RAI1: variants seen among roughly 807,000 people sequenced by gnomAD.
RAI1 encodes retinoic acid induced 1, also known as retinoic acid-induced protein 1.
RAI1 carries 9 observed loss-of-function variants against 123.8 expected under a neutral mutation model. The ratio of observed to expected loss-of-function variants is 0.07; its 90% CI spans 0.04 to 0.13. The LOEUF is 0.13. Among genes scored for constraint, RAI1 ranks in the 10% least tolerant of loss-of-function variants. The pLI is 1.00. For synonymous variants in RAI1, 1,231 were observed against 1,127.3 expected (o/e 1.09, Z -1.84); for missense variants, 2,256 against 2,545.8 (o/e 0.89, Z 2.45).
chr17:17,792,956 C>T lies in RAI1; in HGVS notation c.8C>T (p.Ser3Phe), dbSNP rs200860391. The T allele has an allele frequency of 4.3e-6, 6 of 1,380,762 alleles. No individual in the cohort carries two copies. The highest frequency in any genetic ancestry group is 5.8e-6 in the Non-Finnish European group (6 of 1,031,668). 85.5% of individuals were successfully genotyped at this position (1,380,762 alleles called of 1,614,324 possible). A position where few individuals can be genotyped will look rare whatever the true frequency, so the allele number is the denominator to read the frequency against. Residue 3 changes from serine (S) to phenylalanine (F), a missense_variant, in exon 3 of 6, where the codon TCT becomes TTT. Ser to Phe is a radical substitution (Grantham distance 155, BLOSUM62 -2). Transcript: ENST00000353383. The part of the protein sequence containing the change: MQ[S>F]FRERCGFHGK... ...AGATAACCAGCCCGAGTCATGCAGT[C>T]TTTTCGAGAAAGGTGTGGTTTCCAT...
At chr17:17,753,670 A>AG (rs2030308654) in intron 2 of RAI1, among the ~76,000 whole-genome samples, 1 of 152,198 alleles carries the variant, frequency 6.6e-6, no homozygotes, top group Non-Finnish European at 1.5e-5. Context: ...ACAGATTTTA[A>AG]GGGGTGGGGC....
intron 2 of RAI1, among the ~76,000 whole-genome samples, chr17:17,771,069 G>A (rs2031139046): frequency 6.6e-6 from 1 of 152,152 alleles, no homozygotes; most frequent in South Asian, 2.1e-4. Flanking sequence ...GGATGATAAT[G>A]GATGGGGAGA....
In RAI1 at chr17:17,681,517, C is replaced by T. The variant is rs982397208; in HGVS notation, c.-425C>T. The T allele has an allele frequency of 1.2e-5, 2 of 172,870 alleles. No individual in the cohort carries two copies. Among genetic ancestry groups the T allele is most frequent in the East Asian group, 3.3e-4 (2 of 6,056 alleles). The allele number at this position is 172,870 out of a possible 1,614,324, so 10.7% of individuals were successfully genotyped here. On this transcript the variant is annotated 5_prime_UTR_variant, in exon 1 of 6. Coordinates refer to ENST00000353383, the MANE Select transcript of RAI1 (RefSeq NM_030665.4). ...CCCGGCCGGGTGCGCGGCCAAGGCCCGCTCCCCGCGTCCCCGGGCGCCGCC... is the reference window on the plus strand; with the variant it reads ...CCCGGCCGGGTGCGCGGCCAAGGCCTGCTCCCCGCGTCCCCGGGCGCCGCC...
At chr17:17,722,209 G>C (rs75335614) in intron 1 of RAI1, among the ~76,000 whole-genome samples, 1 of 152,150 alleles carries the variant, frequency 6.6e-6, no homozygotes, top group South Asian at 2.1e-4. Flanking sequence ...AGTAACTCCG[G>C]TAGATGGATG....
intron 2 of RAI1, chr17:17,778,647 A>G (rs935005485): frequency 2.3e-6 from 1 of 442,872 alleles, no homozygotes; most frequent in African/African-American, 2.0e-5. Context: ...CCCAGCCCCT[A>G]TGAGCCCTCA....
chr17:17,778,778 A>G (rs1299371990), intron 2 of RAI1: 1 of 456,766 alleles, frequency 2.2e-6, no homozygotes, highest in East Asian at 6.9e-5. Context: ...AACTTTCCAG[A>G]ACACAGCAGT....
intron 2 of RAI1, among the ~76,000 whole-genome samples, chr17:17,757,834 G>A (rs1397705556): frequency 6.6e-6 from 1 of 152,212 alleles, no homozygotes; most frequent in Admixed American, 6.5e-5. Flanking sequence ...GGGAGAGGCT[G>A]AGACTCAGTT....
rs1298445748 is a variant in RAI1 at position 17,797,666 on chromosome 17, C to T, written c.4718C>T (p.Pro1573Leu). ...GTGCTGCCCCTGGATCCCGCAGAGCCTGAAATCCGCCTCAAGTACATTTCC... is the reference window on the plus strand; with the variant it reads ...GTGCTGCCCCTGGATCCCGCAGAGCTTGAAATCCGCCTCAAGTACATTTCC... ...QQVLPLDPAE[P>L]EIRLKYISSC... The change falls in exon 3 of 6, where the codon CCT becomes CTT. Residue 1573 changes from proline (P) to leucine (L), a missense_variant. Physicochemically the swap from Pro to Leu is moderately conservative, Grantham distance 98. This residue lies in a region of RAI1 where 410 missense variants were observed against 374.6 expected (regional missense o/e 1.09). Coordinates refer to ENST00000353383, the MANE Select transcript of RAI1 (RefSeq NM_030665.4). 6.2e-7 allele frequency: 1 copy of T among 1,613,868 alleles called. No individual in the cohort carries two copies. The highest frequency in any genetic ancestry group is 1.7e-5 in the Admixed American group (1 of 60,030).
intron 2 of RAI1, among the ~76,000 whole-genome samples, chr17:17,782,827 C>T (rs1040884912): frequency 9.2e-5 from 14 of 152,148 alleles, no homozygotes; most frequent in Non-Finnish European, 1.9e-4. Flanking sequence ...GAGGGCAGCA[C>T]GGGCCTTAGA....
intron 2 of RAI1, among the ~76,000 whole-genome samples, chr17:17,736,926 G>A (rs921928438): frequency 2.7e-4 from 41 of 152,114 alleles, no homozygotes; most frequent in African/African-American, 9.7e-4. Context: ...AGGTATTTTT[G>A]GAGCTGAAAT....
intron 2 of RAI1, among the ~76,000 whole-genome samples, chr17:17,744,606 C>T (rs774323221): frequency 2.6e-5 from 4 of 152,014 alleles, no homozygotes; most frequent in Non-Finnish European, 5.9e-5. Flanking sequence ...GCCTGACCAA[C>T]ATGGTGAAAC....
At chr17:17,682,049 G>A (rs1456549567) in intron 1 of RAI1, among the ~76,000 whole-genome samples, 1 of 150,844 alleles carries the variant, frequency 6.6e-6, no homozygotes, top group African/African-American at 2.4e-5. Flanking sequence ...TCTTCTGGGG[G>A]ATGTGCGGCC....
At chr17:17,706,834 A>G (rs1343335361) in intron 1 of RAI1, among the ~76,000 whole-genome samples, 1 of 152,138 alleles carries the variant, frequency 6.6e-6, no homozygotes, top group Non-Finnish European at 1.5e-5. Context: ...ACAGGGGAAA[A>G]GTTTTTAAAG....
At chr17:17,710,932 G>A (rs181481405) in intron 1 of RAI1, among the ~76,000 whole-genome samples, 245 of 152,332 alleles carry the variant, frequency 1.6e-3, no homozygotes, top group Admixed American at 3.2e-3. Context: ...ATGTGTCTGT[G>A]CGGGGGTGTT....
chr17:17,702,665 T>C (rs1455915364), intron 1 of RAI1, among the ~76,000 whole-genome samples: 1 of 152,248 alleles, frequency 6.6e-6, no homozygotes, highest in Non-Finnish European at 1.5e-5. Context: ...CTCGGGGTTC[T>C]GCCCTTGCTC....
At position 17,796,454 on chromosome 17, in the gene RAI1, C is replaced by G; in HGVS notation, c.3506C>G (p.Pro1169Arg). The change falls in exon 3 of 6, where the codon CCC (proline) becomes CGC (arginine). Residue 1169 changes from proline to arginine, a missense_variant. This residue lies in a region of RAI1 where 322 missense variants were observed against 358.0 expected (regional missense o/e 0.90). Coordinates refer to ENST00000353383, the MANE Select transcript of RAI1 (RefSeq NM_030665.4). This position sits in a 1 kb window ranked among gnomAD's most constrained non-coding sequence, Gnocchi z 5.8. The part of the protein sequence containing the change: ...KRRRPSEGRL[P>R]NCRATKKLLD... The stretch of plus-strand genomic sequence containing the variant: ...CGGAGGCCCTCTGAGGGCCGGCTCC[C>G]CAACTGCCGTGCCACCAAGAAGCTC... 6.2e-7 allele frequency: 1 copy of G among 1,612,828 alleles called. No individual in the cohort carries two copies. The highest frequency in any genetic ancestry group is 2.2e-5 in the East Asian group (1 of 44,868).
At chr17:17,735,280 C>G (rs1390408556) in intron 2 of RAI1, among the ~76,000 whole-genome samples, 4 of 151,102 alleles carry the variant, frequency 2.6e-5, no homozygotes, top group Non-Finnish European at 5.9e-5. Context: ...TCTTGAACTC[C>G]TGTCCTCAGG....
Position 17,715,394 on chromosome 17 carries a change from A to T in RAI1, c.-148-8634A>T, listed in dbSNP as rs559408238. On this transcript the variant is annotated intron_variant, in intron 1 of 5. Transcript: ENST00000353383. ...GAGCCTCAGTGTCTGCATCTCTCAA[A>T]TGGGCTAAGGACACTCACCTCAGAG... Among the ~76,000 whole-genome samples the T allele has an allele frequency of 2.6e-5, 4 of 152,250 alleles. No homozygotes were observed. The South Asian group carries it at 6.2e-4, about 24-fold the overall frequency.
rs533579643 is a variant in RAI1 at position 17,708,399 on chromosome 17, CAT to C, written c.-148-15617_-148-15616del. On this transcript the variant is annotated intron_variant, in intron 1 of 5. Coordinates refer to ENST00000353383, the MANE Select transcript of RAI1 (RefSeq NM_030665.4). Reference sequence around the variant, plus strand: ...TTTGCACCTTCCTGTCCTCTCTTCTCATATATATATATACACACACACACACA... The same window carrying C: ...TTTGCACCTTCCTGTCCTCTCTTCTCATATATATATACACACACACACACA... 1.1e-3 allele frequency among the ~76,000 whole-genome samples: 152 copies of C among 141,522 alleles called. 1 individual carries two copies. Among genetic ancestry groups the C allele is most frequent in the African/African-American group, 2.8e-3 (102 of 36,810 alleles). The allele number at this position is 141,522 out of a possible 152,430, so 92.8% of individuals were successfully genotyped here.
Sources: allele counts gnomAD v4.1 joint callset (sites outside exome capture counted in the v4.1 genomes callset), GRCh38; gene constraint gnomAD v4.1.1; regional missense constraint gnomAD v4.1.1; non-coding constraint Gnocchi (gnomAD v3.1); transcripts MANE v1.5; gene names NCBI Gene and HGNC (gene_info 2026-07-23, HGNC 2026-07-21).